TXNDC5: variants seen among roughly 807,000 people sequenced by gnomAD.
TXNDC5 encodes the protein thioredoxin domain containing 5, also known as thioredoxin domain-containing protein 5.
TXNDC5 carries 44 observed loss-of-function variants against 52.6 expected under a neutral mutation model. The observed-to-expected ratio is 0.84, with a 90% CI of 0.66 to 1.08. The LOEUF is 1.08. TXNDC5 is among the 50% of genes least tolerant of loss of function. The probability of loss-of-function intolerance (pLI) is 0.00; values close to 1 mark genes in which losing one functional copy is unlikely to be tolerated. For missense variants in TXNDC5, 600 were observed against 565.5 expected, an observed-to-expected ratio of 1.06 and a Z score of -0.62; for synonymous variants, 241 against 234.4, an observed-to-expected ratio of 1.03 and a Z score of -0.26.
intron 1 of TXNDC5, among the ~76,000 whole-genome samples, chr6:7,905,748 G>A (rs1760709576): frequency 6.6e-6 from 1 of 152,148 alleles, no homozygotes; most frequent in African/African-American, 2.4e-5. Flanking sequence ...ATGACACATG[G>A]GTTTGTTTGC....
chr6:7,893,102 AAAAC>A (rs556009319), intron 4 of TXNDC5, among the ~76,000 whole-genome samples: 84 of 152,356 alleles, frequency 5.5e-4, no homozygotes, highest in Middle Eastern at 3.4e-3. Flanking sequence ...TACGGGGAAA[AAAAC>A]AAACAAACCC....
At chr6:7,886,502 A>G (rs1561805971) in intron 7 of TXNDC5, among the ~76,000 whole-genome samples, 1 of 152,206 alleles carries the variant, frequency 6.6e-6, no homozygotes. Context: ...CTATTCTCCT[A>G]GCACCCTTTG....
chr6:7,906,534 T>TAA (rs1344697713), intron 1 of TXNDC5, among the ~76,000 whole-genome samples: 1 of 31,656 alleles, frequency 3.2e-5, no homozygotes, highest in Non-Finnish European at 4.8e-5. Context: ...AGACTCCATC[T>TAA]CAAAAAAAAA....
At chr6:7,886,164 G>A (rs1759974225) in intron 7 of TXNDC5, 121 bp from the exon 8 acceptor site, 1 of 774,692 alleles carries the variant, frequency 1.3e-6, no homozygotes, top group Admixed American at 2.5e-5. Flanking sequence ...TAGGCTCCAA[G>A]GTCACACAGA....
intron 2 of TXNDC5, among the ~76,000 whole-genome samples, chr6:7,901,352 G>A (rs954860055): frequency 2.0e-5 from 3 of 152,212 alleles, no homozygotes; most frequent in Non-Finnish European, 4.4e-5. Flanking sequence ...TCTTCAGGAA[G>A]GGAAATGGGT....
chr6:7,883,223 T>C lies in TXNDC5; in HGVS notation c.1220A>G (p.Lys407Arg), dbSNP rs1759832012. The C allele has an allele frequency of 6.2e-7, 1 of 1,614,060 alleles. No homozygotes were observed. The highest frequency in any genetic ancestry group is 1.7e-5 in the Admixed American group (1 of 60,004). The change falls in exon 10 of 10, where the codon AAA becomes AGA. Residue 407 changes from lysine (K) to arginine (R), a missense_variant. Lys to Arg is a conservative substitution (Grantham distance 26, BLOSUM62 2). Transcript: ENST00000379757. ...PTLLLFRGGK[K>R]VSEHSGGRDL... ...TCTGCCTCCACTGTGCTCACTGACT[T>C]TCTTCCCTCCTCGGAAAAGCAATAA...
chr6:7,884,564 GCT>G, intron 8 of TXNDC5, 76 bp from the exon 9 acceptor site: 4 of 1,598,606 alleles, frequency 2.5e-6, no homozygotes, highest in African/African-American at 1.3e-5. Flanking sequence ...GCCAAGACAA[GCT>G]CTGTTTCTTC....
At chr6:7,896,013 C>T (rs1051240297) in intron 3 of TXNDC5, among the ~76,000 whole-genome samples, 8 of 151,992 alleles carry the variant, frequency 5.3e-5, no homozygotes, top group African/African-American at 1.7e-4. Context: ...CAAACAGACA[C>T]GAGGGTAGCA....
intron 2 of TXNDC5, among the ~76,000 whole-genome samples, 179 bp downstream of exon 2, chr6:7,904,395 G>A (rs1760669644): frequency 6.6e-6 from 1 of 152,130 alleles, no homozygotes; most frequent in African/African-American, 2.4e-5. Flanking sequence ...ATGAATTAAA[G>A]GTTATCCAAG....
chr6:7,890,159 T>C (rs1335025193), intron 5 of TXNDC5, among the ~76,000 whole-genome samples: 4 of 152,222 alleles, frequency 2.6e-5, no homozygotes, highest in Non-Finnish European at 5.9e-5. Flanking sequence ...CTTCAAGCTT[T>C]TTCTTTCATT....
rs1760547480 is a variant in TXNDC5, at chr6:7,901,010, G to A, written c.414-1329C>T. ...AAGTCACATGGCTAGATTAGGCTTT[G>A]AAATTAGTATCAGCATACTGGCCTT... On this transcript the variant is annotated intron_variant, in intron 2 of 9. Coordinates refer to ENST00000379757, the MANE Select transcript of TXNDC5 (RefSeq NM_030810.5). Among the ~76,000 whole-genome samples, 3 of 152,150 alleles carry A rather than the reference G, an allele frequency of 2.0e-5. No individual in the cohort carries two copies. The South Asian group carries it at 6.2e-4, about 31-fold the overall frequency.
At chr6:7,899,830 A>G (rs1330487076) in intron 2 of TXNDC5, 149 bp from the exon 3 acceptor site, 6 of 557,748 alleles carry the variant, frequency 1.1e-5, no homozygotes, top group South Asian at 2.4e-5. Flanking sequence ...GGAAACAAAC[A>G]TAACGTTCCA....
intron 7 of TXNDC5, among the ~76,000 whole-genome samples, chr6:7,887,566 C>T (rs921999111): frequency 6.6e-6 from 1 of 152,172 alleles, no homozygotes; most frequent in Non-Finnish European, 1.5e-5. Context: ...CGCACAGTCA[C>T]GGCTGCAGCA....
intron 1 of TXNDC5, chr6:7,909,771 C>G: frequency 1.0e-6 from 1 of 986,028 alleles, no homozygotes; most frequent in Non-Finnish European, 1.2e-6. Flanking sequence ...CCGGACCACT[C>G]CTTCCTATCC....
At chr6:7,893,732 A>G (rs556745188) in intron 4 of TXNDC5, among the ~76,000 whole-genome samples, 18 of 152,342 alleles carry the variant, frequency 1.2e-4, no homozygotes, top group African/African-American at 4.1e-4. Flanking sequence ...AGGCCTCACG[A>G]TAAGTTACTG....
chr6:7,885,463 C>G (rs1397153859), intron 8 of TXNDC5, among the ~76,000 whole-genome samples: 1 of 152,204 alleles, frequency 6.6e-6, no homozygotes, highest in Non-Finnish European at 1.5e-5. Flanking sequence ...GTCTCCAAGA[C>G]CACGTGGCAT....
chr6:7,892,916 G>T (rs1188900037), intron 4 of TXNDC5, among the ~76,000 whole-genome samples: 1 of 152,226 alleles, frequency 6.6e-6, no homozygotes, highest in Non-Finnish European at 1.5e-5. Flanking sequence ...GAGAAGGGAG[G>T]GCGGGCTGTG....
At chr6:7,887,951 G>C (rs1324650165) in intron 7 of TXNDC5, among the ~76,000 whole-genome samples, 2 of 152,070 alleles carry the variant, frequency 1.3e-5, no homozygotes, top group Non-Finnish European at 2.9e-5. Context: ...GACACTTCTT[G>C]CCCATTTGCC....
rs55914910 is a variant in TXNDC5 at position 7,907,165 on chromosome 6, CT to C, written c.264-2443del. ...TGTTTTGCTACTGCTTTTTTTTTCC[CT>C]TTTTTTTTTTTGAGAAAACACAAGA... On this transcript the variant is annotated intron_variant, in intron 1 of 9. Coordinates refer to ENST00000379757, the MANE Select transcript of TXNDC5 (RefSeq NM_030810.5). 3.2e-3 allele frequency among the ~76,000 whole-genome samples: 463 copies of C among 143,566 alleles called. 5 individuals are homozygous for C. The highest frequency in any genetic ancestry group is 8.3e-3 in the African/African-American group (323 of 38,858). The allele number at this position is 143,566 out of a possible 152,430, so 94.2% of individuals were successfully genotyped here.
Sources: gnomAD v4.1 joint callset for allele counts (sites outside exome capture counted in the v4.1 genomes callset) on GRCh38, gnomAD v4.1.1 for gene constraint, MANE v1.5 for transcripts, NCBI Gene and HGNC (gene_info 2026-07-23, HGNC 2026-07-21) for gene names.